CELSR3: variants seen among roughly 807,000 people sequenced by gnomAD.
CELSR3 encodes EGF-like protein 1.
Under a neutral mutation model 270.0 loss-of-function variants are expected in CELSR3, and 73 were observed. The observed-to-expected ratio is 0.27, with a 90% CI of 0.22 to 0.33. The LOEUF is 0.33. Among genes scored for constraint, CELSR3 ranks in the 10% least tolerant of loss-of-function variants. The probability of loss-of-function intolerance (pLI) is 1.00; values close to 1 mark genes in which losing one functional copy is unlikely to be tolerated. For synonymous variants in CELSR3, 1,780 were observed against 1,905.4 expected (o/e 0.93, Z 1.71); for missense variants, 3,614 against 4,533.8 (o/e 0.80, Z 5.83).
At position 48,657,933 on chromosome 3, in the gene CELSR3, TGGGTTATCAAGCTCCA is replaced by T. The variant is rs973530874; in HGVS notation, c.3749-601_3749-586del. 4.6e-5 allele frequency among the ~76,000 whole-genome samples: 7 copies of T among 152,296 alleles called. 1 individual carries two copies. The highest frequency in any genetic ancestry group is 1.7e-4 in the African/African-American group (7 of 41,544). On this transcript the variant is annotated intron_variant, in intron 1 of 34. Coordinates refer to ENST00000164024, the MANE Select transcript of CELSR3 (RefSeq NM_001407.3). This position sits in a 1 kb window ranked among gnomAD's most constrained non-coding sequence, Gnocchi z 5.4. ...GACTCAATGCCATCCTCCAGAATCC[TGGGTTATCAAGCTCCA>T]GGGGGGTCTTGAACCCTGACATACA...
At position 48,660,557 on chromosome 3, in the gene CELSR3, A is replaced by C. The variant is rs191733320; in HGVS notation, c.2078T>G (p.Val693Gly). 6.2e-7 allele frequency: 1 copy of C among 1,614,192 alleles called. No homozygotes were observed. Among genetic ancestry groups the C allele is most frequent in the African/African-American group, 1.3e-5 (1 of 75,058 alleles). The change falls in exon 1 of 35, where the codon GTG becomes GGG. Residue 693 changes from valine (V) to glycine (G), a missense_variant. This residue lies in a region of CELSR3 where 1 missense variants were observed against 16.0 expected (regional missense o/e 0.06). Coordinates refer to ENST00000164024, the MANE Select transcript of CELSR3 (RefSeq NM_001407.3). This position sits in a 1 kb window ranked among gnomAD's most constrained non-coding sequence, Gnocchi z 5.5. ...NARLEYSLTG[V>G]APDTPFVINS... ...TATCACAAAAGGAGTATCAGGTGCC[A>C]CACCAGTTAGGGAGTACTCCAATCT...
chr3:48,641,467 G>C lies in CELSR3; in HGVS notation c.8882C>G (p.Ala2961Gly). ...YWPALGECEA[A>G]PCALQTWGSE... Reference sequence around the variant, plus strand: ...GCCCCAAGTCTGCAGAGCACAGGGGGCTGCCTCGCACTCCCCCAGGGCTGG... The same window carrying C: ...GCCCCAAGTCTGCAGAGCACAGGGGCCTGCCTCGCACTCCCCCAGGGCTGG... The change falls in exon 33 of 35, where the codon GCC (alanine) becomes GGC (glycine). Residue 2961 changes from alanine (A) to glycine (G), a missense_variant. This residue lies in a region of CELSR3 where 1,240 missense variants were observed against 1,351.7 expected (regional missense o/e 0.92). Coordinates refer to ENST00000164024, the MANE Select transcript of CELSR3 (RefSeq NM_001407.3). This position sits in a 1 kb window ranked among gnomAD's most constrained non-coding sequence, Gnocchi z 4.8. 9 of 1,612,142 alleles carry C rather than the reference G, an allele frequency of 5.6e-6. No homozygotes were observed. The highest frequency in any genetic ancestry group is 7.6e-6 in the Non-Finnish European group (9 of 1,179,530).
chr3:48,652,337 C>T lies in CELSR3; in HGVS notation c.5751+100G>A. On this transcript the variant is annotated intron_variant, in intron 11 of 34. Transcript: ENST00000164024. The surrounding 1 kb of genome is among the most constrained non-coding windows in gnomAD (Gnocchi z 4.3). ...ACTCTGGGTCATTCACCCCCTCGCACCAACCCCCACTTGAATACTGCCTTT... is the reference window on the plus strand; with the variant it reads ...ACTCTGGGTCATTCACCCCCTCGCATCAACCCCCACTTGAATACTGCCTTT... 2.0e-6 allele frequency: 2 copies of T among 1,011,870 alleles called. No individual in the cohort carries two copies. Among genetic ancestry groups the T allele is most frequent in the African/African-American group, 1.6e-5 (1 of 63,632 alleles). The allele number at this position is 1,011,870 out of a possible 1,614,324, so 62.7% of individuals were successfully genotyped here.
In CELSR3 at chr3:48,654,255, C is replaced by A; in HGVS notation, c.5152+34G>T. The A allele has an allele frequency of 6.2e-7, 1 of 1,612,868 alleles. No homozygotes were observed. The highest frequency in any genetic ancestry group is 8.5e-7 in the Non-Finnish European group (1 of 1,179,632). On this transcript the variant is annotated intron_variant, in intron 7 of 34. Coordinates refer to ENST00000164024, the MANE Select transcript of CELSR3 (RefSeq NM_001407.3). The surrounding 1 kb of genome is among the most constrained non-coding windows in gnomAD (Gnocchi z 5.4). ...CTTCCTCCCTATGATGGGGACAGGGCCATGGGCTAGGCTGGTGGAAGCTTC... is the reference window on the plus strand; with the variant it reads ...CTTCCTCCCTATGATGGGGACAGGGACATGGGCTAGGCTGGTGGAAGCTTC...
chr3:48,651,450 C>G lies in CELSR3; in HGVS notation c.6095G>C (p.Trp2032Ser). The G allele has an allele frequency of 7.4e-6, 12 of 1,613,934 alleles. No individual in the cohort carries two copies. Among genetic ancestry groups the G allele is most frequent in the Non-Finnish European group, 9.3e-6 (11 of 1,179,952 alleles). Residue 2032 changes from tryptophan (W) to serine (S), a missense_variant, in exon 14 of 35, where the codon TGG (tryptophan) becomes TCG (serine). Around this residue, in one of 7 missense-constraint regions of CELSR3, gnomAD observed 1,331 missense variants for 1,933.7 expected, o/e 0.69. Transcript: ENST00000164024. The surrounding 1 kb of genome is among the most constrained non-coding windows in gnomAD (Gnocchi z 7.4). ...RMDQQCPRGW[W>S]GSPTCGPCNC... ...GCAGGGGCCACAGGTTGGGCTCCCC[C>G]ACCAGCCCCGTGGGCACTGCTGGTC...
intron 19 of CELSR3, 28 bp downstream of exon 19, chr3:48,648,238 G>GGGCCCCCCCCCC: frequency 2.2e-6 from 3 of 1,342,600 alleles, no homozygotes; most frequent in African/African-American, 1.4e-5. Flanking sequence ...CCCCTGCTGT[G>GGGCCCCCCCCCC]CCCCGCCCTA....
In CELSR3 at chr3:48,655,689, C is replaced by T; in HGVS notation, c.4741+47G>A. The T allele has an allele frequency of 1.3e-6, 2 of 1,509,422 alleles. No individual in the cohort carries two copies. Among genetic ancestry groups the T allele is most frequent in the South Asian group, 2.2e-5 (2 of 88,954 alleles). 93.5% of individuals were successfully genotyped at this position (1,509,422 alleles called of 1,614,324 possible). ...ACCTGAGGGGACTTGGGCCCTGCGT[C>T]CTCCAGCACACACGCACCCTTTCGC... On this transcript the variant is annotated intron_variant, in intron 4 of 34. Coordinates refer to ENST00000164024, the MANE Select transcript of CELSR3 (RefSeq NM_001407.3). This position sits in a 1 kb window ranked among gnomAD's most constrained non-coding sequence, Gnocchi z 5.8.
chr3:48,661,872 C>T lies in CELSR3; in HGVS notation c.763G>A (p.Ala255Thr), dbSNP rs1395494515. 1 of 1,611,008 alleles carries T rather than the reference C, an allele frequency of 6.2e-7. No individual in the cohort carries two copies. The highest frequency in any genetic ancestry group is 8.5e-7 in the Non-Finnish European group (1 of 1,179,572). ...CGGGGTGCTGAACCTGATGCAGGAGCTGTCCTCGCCGTGCGTGGTGCTGAA... is the reference window on the plus strand; with the variant it reads ...CGGGGTGCTGAACCTGATGCAGGAGTTGTCCTCGCCGTGCGTGGTGCTGAA... ...LDSAPRTART[A>T]PASGSAPRES... The change falls in exon 1 of 35, where the codon GCT (alanine) becomes ACT (threonine). Residue 255 changes from alanine to threonine, a missense_variant. Physicochemically the swap from Ala to Thr is moderately conservative, Grantham distance 58. Around this residue, in one of 7 missense-constraint regions of CELSR3, gnomAD observed 470 missense variants for 469.7 expected, o/e 1.00. Transcript: ENST00000164024.
In CELSR3 at chr3:48,645,660, A is replaced by G. The variant is rs867503682; in HGVS notation, c.7591-11T>C. On this transcript the variant is annotated splice_polypyrimidine_tract_variant and intron_variant, in intron 23 of 34. Transcript: ENST00000164024. This position sits in a 1 kb window ranked among gnomAD's most constrained non-coding sequence, Gnocchi z 5.4. ...GTCGCCCTCCAGCCTCTACAGAGACAGGGATGGTTGATGGGTTGTTGGGCA... is the reference window on the plus strand; with the variant it reads ...GTCGCCCTCCAGCCTCTACAGAGACGGGGATGGTTGATGGGTTGTTGGGCA... 6.2e-7 allele frequency: 1 copy of G among 1,605,656 alleles called. No homozygotes were observed. Among genetic ancestry groups the G allele is most frequent in the Middle Eastern group, 1.7e-4 (1 of 6,044 alleles).
chr3:48,661,077 G>T lies in CELSR3; in HGVS notation c.1558C>A (p.Gln520Lys), dbSNP rs766557443. 1 of 1,613,582 alleles carries T rather than the reference G, an allele frequency of 6.2e-7. No individual in the cohort carries two copies. Among genetic ancestry groups the T allele is most frequent in the Admixed American group, 1.7e-5 (1 of 59,998 alleles). Reference protein sequence around the residue: ...ELVVEASDQGQEPGPRSATVR... With the variant: ...ELVVEASDQGKEPGPRSATVR... Reference sequence around the variant, plus strand: ...GTGGCCGAGCGCGGCCCGGGTTCCTGGCCCTGGTCGCTGGCTTCCACCACC... The same window carrying T: ...GTGGCCGAGCGCGGCCCGGGTTCCTTGCCCTGGTCGCTGGCTTCCACCACC... Residue 520 changes from glutamine (Q) to lysine (K), a missense_variant, in exon 1 of 35, where the codon CAG becomes AAG. This residue lies in a region of CELSR3 where 354 missense variants were observed against 500.9 expected (regional missense o/e 0.71). Coordinates refer to ENST00000164024, the MANE Select transcript of CELSR3 (RefSeq NM_001407.3).
At position 48,645,743 on chromosome 3, in the gene CELSR3, T is replaced by A; in HGVS notation, c.7589A>T (p.Glu2530Val). The A allele has an allele frequency of 6.2e-7, 1 of 1,608,260 alleles. No homozygotes were observed. The highest frequency in any genetic ancestry group is 8.5e-7 in the Non-Finnish European group (1 of 1,176,330). Residue 2530 changes from glutamate (E) to valine (V), a missense_variant and splice_region_variant, in exon 23 of 35, where the codon GAG becomes GTG. This residue lies in a region of CELSR3 where 1,240 missense variants were observed against 1,351.7 expected (regional missense o/e 0.92). Transcript: ENST00000164024. The surrounding 1 kb of genome is among the most constrained non-coding windows in gnomAD (Gnocchi z 5.4). Reference protein sequence around the residue: ...FGVLMDASPRERLEGDLELLA... With the variant: ...FGVLMDASPRVRLEGDLELLA... ...TTGGGACACTGAACACAGCCCCACC[T>A]CACGGGGAGAGGCATCCATGAGGAC...
Position 48,651,986 on chromosome 3 carries a change from C to T in CELSR3, c.5814G>A (p.Val1938=). The T allele has an allele frequency of 6.3e-7, 1 of 1,593,868 alleles. No individual in the cohort carries two copies. Among genetic ancestry groups the T allele is most frequent in the Non-Finnish European group, 8.5e-7 (1 of 1,172,474 alleles). The change falls in exon 12 of 35, where the codon GTG becomes GTA. Residue 1938 remains valine (V), a synonymous_variant. Coordinates refer to ENST00000164024, the MANE Select transcript of CELSR3 (RefSeq NM_001407.3). This position sits in a 1 kb window ranked among gnomAD's most constrained non-coding sequence, Gnocchi z 7.4. Reference sequence around the variant, plus strand: ...TCACAACACAGCCAGGCTCCGCATTCACTCGGTGGCTGGGGGGTAGCAGGG... The same window carrying T: ...TCACAACACAGCCAGGCTCCGCATTTACTCGGTGGCTGGGGGGTAGCAGGG... ...SPALLPPSHR[V]NAEPGCVVTN...
Position 48,655,486 on chromosome 3 carries a change from G to C in CELSR3, c.4742-92C>G. On this transcript the variant is annotated intron_variant, in intron 4 of 34. Transcript: ENST00000164024. The surrounding 1 kb of genome is among the most constrained non-coding windows in gnomAD (Gnocchi z 5.8). The stretch of plus-strand genomic sequence containing the variant: ...GCACAACCATTCCCAGGGCCACCCT[G>C]GATGCATCAGATCAGTCCCCCCACT... The C allele has an allele frequency of 1.6e-6, 2 of 1,282,028 alleles. No individual in the cohort carries two copies. Among genetic ancestry groups the C allele is most frequent in the Non-Finnish European group, 2.2e-6 (2 of 889,332 alleles). 79.4% of individuals were successfully genotyped at this position (1,282,028 alleles called of 1,614,324 possible).
Position 48,661,846 on chromosome 3 carries a change from G to T in CELSR3, c.789C>A (p.Arg263=). 1.9e-6 allele frequency: 3 copies of T among 1,610,304 alleles called. No homozygotes were observed. The highest frequency in any genetic ancestry group is 2.5e-6 in the Non-Finnish European group (3 of 1,179,638). ...RTAPASGSAP[R]ESRTAPEPAP... is the part of the protein sequence containing the mutation. ...CCGGCTCGGGAGCTGTCCGAGACTC[G>T]CGGGGTGCTGAACCTGATGCAGGAG... The change falls in exon 1 of 35, where the codon CGC becomes CGA. Residue 263 remains arginine (R), a synonymous_variant. Coordinates refer to ENST00000164024, the MANE Select transcript of CELSR3 (RefSeq NM_001407.3).
Position 48,650,532 on chromosome 3 carries a change from G to A in CELSR3, c.6420C>T (p.Pro2140=). Residue 2140 remains proline (P), a synonymous_variant, in exon 16 of 35, where the codon CCC becomes CCT. Transcript: ENST00000164024. The surrounding 1 kb of genome is among the most constrained non-coding windows in gnomAD (Gnocchi z 5.1). ...TGGCCAGGACGCCAAACTTTGTCTG[G>A]GGCCACCACACACCAGATCTCAGGG... The part of the protein sequence containing the change: ...PKSLRSGVWW[P]QTKFGVLATV... 6.2e-7 allele frequency: 1 copy of A among 1,608,010 alleles called. No individual in the cohort carries two copies. The highest frequency in any genetic ancestry group is 8.5e-7 in the Non-Finnish European group (1 of 1,178,400).
chr3:48,647,077 T>C, intron 20 of CELSR3, 149 bp from the exon 21 acceptor site: 1 of 701,894 alleles, frequency 1.4e-6, no homozygotes. Flanking sequence ...AAAGTAACAG[T>C]CAAGGCCTGG....
chr3:48,646,244 G>C lies in CELSR3; in HGVS notation c.7309C>G (p.Pro2437Ala), dbSNP rs1456002539. 1.2e-6 allele frequency: 2 copies of C among 1,611,336 alleles called. No homozygotes were observed. The highest frequency in any genetic ancestry group is 1.7e-5 in the Admixed American group (1 of 59,910). Residue 2437 changes from proline to alanine, a missense_variant, in exon 22 of 35, where the codon CCC (proline) becomes GCC (alanine). Pro to Ala is a conservative substitution (Grantham distance 27). Around this residue, in one of 7 missense-constraint regions of CELSR3, gnomAD observed 1,240 missense variants for 1,351.7 expected, o/e 0.92. Coordinates refer to ENST00000164024, the MANE Select transcript of CELSR3 (RefSeq NM_001407.3). This position sits in a 1 kb window ranked among gnomAD's most constrained non-coding sequence, Gnocchi z 4.8. Reference protein sequence around the residue: ...ERRGARLPQNPVMNSPVVSVA... With the variant: ...ERRGARLPQNAVMNSPVVSVA... ...CTGACCACCGGGGAGTTCATGACGG[G>C]GTTCTGAGGAAGCCTGGGGAGACAC... is the stretch of plus-strand genomic sequence containing the variant.
At position 48,637,054 on chromosome 3, in the gene CELSR3, CAAAGT is replaced by C. The variant is rs1179367840; in HGVS notation, c.*1146_*1150del. On this transcript the variant is annotated 3_prime_UTR_variant, in exon 35 of 35. Coordinates refer to ENST00000164024, the MANE Select transcript of CELSR3 (RefSeq NM_001407.3). ...AAAACTCAAAGTTTTGAGTTGTAAA[CAAAGT>C]AAAAACATTTTTTGAATCTGGACTT... is the stretch of plus-strand genomic sequence containing the variant. 14 of 152,552 alleles carry C rather than the reference CAAAGT, an allele frequency of 9.2e-5. No individual in the cohort carries two copies. In the South Asian group the frequency reaches 2.1e-3, roughly 23 times the overall value. 9.4% of individuals were successfully genotyped at this position (152,552 alleles called of 1,614,324 possible).
In CELSR3 at chr3:48,645,612, G is replaced by A. The variant is rs1575540027; in HGVS notation, c.7628C>T (p.Thr2543Ile). ...CACAGACACAGCCACGACCACGTGGGTGAACACAGCCAGCAGCTCCAGGTC... is the reference window on the plus strand; with the variant it reads ...CACAGACACAGCCACGACCACGTGGATGAACACAGCCAGCAGCTCCAGGTC... The part of the protein sequence containing the change: ...EGDLELLAVF[T>I]HVVVAVSVAA... Residue 2543 changes from threonine (T) to isoleucine (I), a missense_variant, in exon 24 of 35, where the codon ACC (threonine) becomes ATC (isoleucine). Transcript: ENST00000164024. This position sits in a 1 kb window ranked among gnomAD's most constrained non-coding sequence, Gnocchi z 5.4. 6.2e-7 allele frequency: 1 copy of A among 1,611,278 alleles called. No individual in the cohort carries two copies. The highest frequency in any genetic ancestry group is 8.5e-7 in the Non-Finnish European group (1 of 1,178,712).
Sources: allele counts gnomAD v4.1 joint callset (sites outside exome capture counted in the v4.1 genomes callset), GRCh38; gene constraint gnomAD v4.1.1; regional missense constraint gnomAD v4.1.1; non-coding constraint Gnocchi (gnomAD v3.1); transcripts MANE v1.5; gene names NCBI Gene and HGNC (gene_info 2026-07-23, HGNC 2026-07-21).